The following MED13 variants were observed in gnomAD, a reference collection of about 807,000 sequenced individuals.
The protein encoded by MED13 is mediator complex subunit 13, also known as mediator of RNA polymerase II transcription subunit 13.
Under a neutral mutation model 225.2 loss-of-function variants are expected in MED13, and 23 were observed. The ratio of observed to expected loss-of-function variants is 0.10; its 90% CI spans 0.07 to 0.14. MED13 has a LOEUF of 0.14. MED13 is among the 10% of genes least tolerant of loss of function. The pLI is 1.00. For missense variants in MED13, 2,197 were observed against 2,594.5 expected (o/e 0.85, Z 3.33); for synonymous variants, 942 against 889.2 (o/e 1.06, Z -1.06).
At chr17:62,011,783 A>G (rs2080511927) in intron 8 of MED13, among the ~76,000 whole-genome samples, 1 of 152,268 alleles carries the variant, frequency 6.6e-6, no homozygotes, top group African/African-American at 2.4e-5. Context: ...CCTTCTCCAA[A>G]TACTTAGCAC....
chr17:62,004,597 T>C (rs1273319448), intron 9 of MED13: 1 of 152,090 alleles, frequency 6.6e-6, no homozygotes, highest in East Asian at 1.9e-4. Context: ...AGGATACCAG[T>C]AGGTAACATG....
At chr17:61,961,552 G>GT in intron 22 of MED13, 36 bp downstream of exon 22, 1 of 962,190 alleles carries the variant, frequency 1.0e-6, no homozygotes, top group South Asian at 1.3e-5. Context: ...GGTATGTATA[G>GT]TCATTGAACT....
chr17:61,989,339 TTTGA>T (rs932463793), intron 11 of MED13, among the ~76,000 whole-genome samples: 2 of 151,048 alleles, frequency 1.3e-5, no homozygotes, highest in Admixed American at 6.6e-5. Context: ...ATATTTAACA[TTTGA>T]TTGATTGATT....
chr17:62,016,417 T>C (rs541704373), intron 8 of MED13, among the ~76,000 whole-genome samples: 1 of 152,158 alleles, frequency 6.6e-6, no homozygotes, highest in Admixed American at 6.5e-5. Context: ...ATCAAATAGC[T>C]CCAACTGCTA....
chr17:62,055,316 A>G (rs977147224), intron 2 of MED13, among the ~76,000 whole-genome samples: 1 of 151,898 alleles, frequency 6.6e-6, no homozygotes, highest in African/African-American at 2.4e-5. Flanking sequence ...CCTGAGCCCA[A>G]GAGATGGGAG....
intron 3 of MED13, among the ~76,000 whole-genome samples, chr17:62,043,502 T>C (rs548308121): frequency 1.4e-4 from 22 of 152,326 alleles, no homozygotes; most frequent in Non-Finnish European, 3.1e-4. Context: ...GGATTCTTCT[T>C]GCCTTTGAGA....
chr17:61,979,060 T>G (rs771866252), intron 16 of MED13, among the ~76,000 whole-genome samples: 3 of 152,212 alleles, frequency 2.0e-5, no homozygotes, highest in Non-Finnish European at 4.4e-5. Flanking sequence ...TTAACCAATA[T>G]TCTCAATTTT....
chr17:61,977,743 C>T (rs987659343), intron 16 of MED13, among the ~76,000 whole-genome samples: 8 of 152,096 alleles, frequency 5.3e-5, no homozygotes, highest in African/African-American at 1.7e-4. Context: ...CCACCGTGCC[C>T]GGCCCATTAT....
At chr17:62,042,274 T>C (rs2080858745) in intron 3 of MED13, among the ~76,000 whole-genome samples, 1 of 152,058 alleles carries the variant, frequency 6.6e-6, no homozygotes, top group African/African-American at 2.4e-5. Context: ...AAATAATACT[T>C]AGAAAGTGGC....
chr17:62,045,839 A>C (rs2080892993), intron 3 of MED13, among the ~76,000 whole-genome samples: 1 of 152,224 alleles, frequency 6.6e-6, no homozygotes. Flanking sequence ...ACCTAGCTGT[A>C]TCCCTAGAAT....
At chr17:62,001,643 A>C (rs1274466387) in intron 9 of MED13, among the ~76,000 whole-genome samples, 1 of 152,172 alleles carries the variant, frequency 6.6e-6, no homozygotes, top group Non-Finnish European at 1.5e-5. Flanking sequence ...GCACCCCTAT[A>C]ATCTAACCAT....
rs35998015 is a variant in MED13, at chr17:62,063,253, T to C, written c.115A>G (p.Thr39Ala). Residue 39 changes from threonine to alanine, a missense_variant, in exon 2 of 30, where the codon ACT (threonine) becomes GCT (alanine). Coordinates refer to ENST00000397786, the MANE Select transcript of MED13 (RefSeq NM_005121.3). ...KWKKYVWQGP[T>A]SAPILFPVTE... ...ACAGGAAACAGAATAGGGGCAGAAG[T>C]TGGGCCTTGCCATACATATTTTTTC... The C allele has an allele frequency of 2.3e-3, 3,787 of 1,614,086 alleles. 6 individuals carry two copies. Among genetic ancestry groups the C allele is most frequent in the Non-Finnish European group, 2.9e-3 (3,365 of 1,179,944 alleles).
At chr17:62,029,172 G>C (rs1293552151) in intron 8 of MED13, 1 of 167,258 alleles carries the variant, frequency 6.0e-6, no homozygotes, top group Admixed American at 6.3e-5. Context: ...AAAAAAGAAA[G>C]AACTCTTGGG....
At chr17:62,034,027 T>C (rs780604397) in intron 4 of MED13, 43 bp from the exon 5 acceptor site, 3 of 1,534,088 alleles carry the variant, frequency 2.0e-6, no homozygotes, top group East Asian at 4.5e-5. Flanking sequence ...CAAAAGACTG[T>C]TTTACCAAAT....
intron 3 of MED13, among the ~76,000 whole-genome samples, chr17:62,039,058 A>G (rs531033658): frequency 6.6e-6 from 1 of 152,326 alleles, no homozygotes; most frequent in Admixed American, 6.5e-5. Context: ...TCTTTGTAGC[A>G]ATCCAGTATT....
intron 28 of MED13, among the ~76,000 whole-genome samples, chr17:61,950,532 C>A (rs557393706): frequency 1.3e-5 from 2 of 151,898 alleles, no homozygotes; most frequent in African/African-American, 4.8e-5. Flanking sequence ...TACAGGCGCC[C>A]GCCACCACAC....
At chr17:61,993,493 C>G (rs2080320373) in intron 10 of MED13, among the ~76,000 whole-genome samples, 1 of 151,820 alleles carries the variant, frequency 6.6e-6, no homozygotes, top group South Asian at 2.1e-4. Flanking sequence ...TGAGACACAG[C>G]ACCCAGCCGG....
intron 28 of MED13, among the ~76,000 whole-genome samples, chr17:61,949,135 G>T (rs911724606): frequency 2.6e-5 from 4 of 151,884 alleles, no homozygotes; most frequent in Non-Finnish European, 5.9e-5. Context: ...TGTTATTCTG[G>T]AACAATATTA....
At chr17:62,049,164 G>A (rs1339474578) in intron 3 of MED13, among the ~76,000 whole-genome samples, 1 of 149,924 alleles carries the variant, frequency 6.7e-6, no homozygotes, top group Non-Finnish European at 1.5e-5. Context: ...TGACTACTGT[G>A]AAACAGGACT....
Sources: allele counts gnomAD v4.1 joint callset (sites outside exome capture counted in the v4.1 genomes callset), GRCh38; gene constraint gnomAD v4.1.1; transcripts MANE v1.5; gene names NCBI Gene and HGNC (gene_info 2026-07-23, HGNC 2026-07-21).